LSAMP: variants seen among roughly 807,000 people sequenced by gnomAD.
LSAMP encodes limbic system-associated membrane protein.
A neutral mutation model predicts 38.6 loss-of-function variants in LSAMP; 7 were observed. The ratio of observed to expected loss-of-function variants is 0.18; its 90% confidence interval spans 0.10 to 0.34. LSAMP has a LOEUF of 0.34. Ranked by LOEUF, LSAMP falls within the 10% of genes least tolerant of loss-of-function variation. LSAMP has a pLI of 1.00. For synonymous variants in LSAMP, 154 were observed against 166.8 expected, an observed-to-expected ratio of 0.92 and a Z score of 0.59; for missense variants, 313 against 420.0, an observed-to-expected ratio of 0.75 and a Z score of 2.23.
intron 1 of LSAMP, among the ~76,000 whole-genome samples, chr3:116,280,089 C>G (rs1028806124): frequency 2.0e-4 from 30 of 152,188 alleles, no homozygotes; most frequent in African/African-American, 6.8e-4. Flanking sequence ...ACTTTTCACT[C>G]TGGTGTAACG....
intron 1 of LSAMP, among the ~76,000 whole-genome samples, chr3:116,311,895 T>A (rs937443188): frequency 6.6e-6 from 1 of 152,128 alleles, no homozygotes; most frequent in Non-Finnish European, 1.5e-5. Flanking sequence ...AGAAACTACA[T>A]CTGTTAAGTA....
At chr3:116,133,241 C>T (rs1559755053) in intron 1 of LSAMP, among the ~76,000 whole-genome samples, 2 of 151,616 alleles carry the variant, frequency 1.3e-5, no homozygotes, top group Non-Finnish European at 2.9e-5. Flanking sequence ...TCCACATTTA[C>T]TTTTTTTTCC....
intron 1 of LSAMP, among the ~76,000 whole-genome samples, chr3:116,346,804 A>G (rs957206082): frequency 6.6e-6 from 1 of 152,140 alleles, no homozygotes; most frequent in African/African-American, 2.4e-5. Flanking sequence ...CCTATGTGTC[A>G]GTTTTGTTTC....
intron 1 of LSAMP, among the ~76,000 whole-genome samples, chr3:116,203,867 G>A (rs1355404107): frequency 6.6e-6 from 1 of 152,112 alleles, no homozygotes. Context: ...ACATACGTGT[G>A]CATGTGTCTT....
intron 1 of LSAMP, among the ~76,000 whole-genome samples, chr3:116,400,296 T>G (rs13075678): frequency 0.12 from 18,511 of 152,050 alleles, 1,441 homozygotes; most frequent in African/African-American, 0.22. Flanking sequence ...TCATGTGCCT[T>G]CCATGGCTGG....
intron 1 of LSAMP, among the ~76,000 whole-genome samples, chr3:116,147,900 C>T (rs1336938725): frequency 6.6e-6 from 1 of 151,898 alleles, no homozygotes; most frequent in African/African-American, 2.4e-5. Context: ...AAATGTGATA[C>T]CATTCTTTTC....
At chr3:116,237,759 C>T (rs943481405) in intron 1 of LSAMP, among the ~76,000 whole-genome samples, 3 of 152,166 alleles carry the variant, frequency 2.0e-5, no homozygotes, top group Non-Finnish European at 2.9e-5. Context: ...AAACACACGC[C>T]ATTCAACTCT....
chr3:116,102,177 G>C (rs1008798149), intron 1 of LSAMP, among the ~76,000 whole-genome samples: 8 of 152,156 alleles, frequency 5.3e-5, no homozygotes, highest in Non-Finnish European at 1.0e-4. Flanking sequence ...TCCTTTGTCT[G>C]GAAGGCAACT....
intron 3 of LSAMP, among the ~76,000 whole-genome samples, chr3:115,902,527 AAAG>A (rs1004545662): frequency 6.6e-6 from 1 of 152,172 alleles, no homozygotes; most frequent in Non-Finnish European, 1.5e-5. Flanking sequence ...CTGCACAGCA[AAAG>A]AAACTATCAA....
intron 3 of LSAMP, among the ~76,000 whole-genome samples, chr3:115,861,556 C>T (rs1472854932): frequency 6.6e-6 from 1 of 152,082 alleles, no homozygotes; most frequent in African/African-American, 2.4e-5. Context: ...TGTACACAGA[C>T]CCTCACCTGC....
intron 3 of LSAMP, among the ~76,000 whole-genome samples, chr3:115,859,710 G>A (rs966957886): frequency 6.6e-6 from 1 of 152,198 alleles, no homozygotes; most frequent in Admixed American, 6.5e-5. Flanking sequence ...AGAACATCCT[G>A]GGATTATTCT....
chr3:116,393,925 G>A (rs1353343805), intron 1 of LSAMP, among the ~76,000 whole-genome samples: 2 of 152,170 alleles, frequency 1.3e-5, no homozygotes, highest in Middle Eastern at 3.2e-3. Flanking sequence ...ACAAGGAAGC[G>A]AGGATTTTGC....
intron 1 of LSAMP, among the ~76,000 whole-genome samples, chr3:116,235,926 C>T (rs1444712726): frequency 6.6e-6 from 1 of 152,176 alleles, no homozygotes; most frequent in African/African-American, 2.4e-5. Context: ...CACTTCTAAA[C>T]ACTAGTCTTT....
At chr3:115,923,337 A>T (rs865909727) in intron 3 of LSAMP, among the ~76,000 whole-genome samples, 13 of 152,190 alleles carry the variant, frequency 8.5e-5, no homozygotes, top group African/African-American at 2.9e-4. Context: ...CTTGTGGCAA[A>T]GGCTGATGCA....
chr3:116,219,875 CA>C (rs1469879039), intron 1 of LSAMP, among the ~76,000 whole-genome samples: 1 of 151,946 alleles, frequency 6.6e-6, no homozygotes, highest in Non-Finnish European at 1.5e-5. Flanking sequence ...CAGAGAAATG[CA>C]AATCAAAATC....
At chr3:116,130,886 C>T (rs1709112140) in intron 1 of LSAMP, among the ~76,000 whole-genome samples, 1 of 151,762 alleles carries the variant, frequency 6.6e-6, no homozygotes, top group African/African-American at 2.4e-5. Flanking sequence ...CGAATTCTTC[C>T]ACTTCTCTCA....
chr3:116,110,808 C>T (rs1280571956), intron 1 of LSAMP, among the ~76,000 whole-genome samples: 2 of 152,126 alleles, frequency 1.3e-5, no homozygotes, highest in East Asian at 1.9e-4. Flanking sequence ...ATTTCATGCG[C>T]GTCCGTGTGA....
rs1933680482 is a variant in LSAMP at position 115,808,130 on chromosome 3, C to T, written c.*2187G>A. 2.5e-5 allele frequency: 2 copies of T among 80,444 alleles called. No individual in the cohort carries two copies. Among genetic ancestry groups the T allele is most frequent in the African/African-American group, 5.3e-5 (1 of 18,824 alleles). The allele number at this position is 80,444 out of a possible 1,614,324, so 5.0% of individuals were successfully genotyped here. On this transcript the variant is annotated 3_prime_UTR_variant, in exon 7 of 7. Coordinates refer to ENST00000490035, the MANE Select transcript of LSAMP (RefSeq NM_002338.5). Reference sequence around the variant, plus strand: ...CCTTCCTCCCTCCCTCCCTCCCTCCCTCCCTCCCTCCCTCCCTCCCCCCCT... The same window carrying T: ...CCTTCCTCCCTCCCTCCCTCCCTCCTTCCCTCCCTCCCTCCCTCCCCCCCT...
intron 1 of LSAMP, among the ~76,000 whole-genome samples, chr3:116,343,808 C>A (rs1397859863): frequency 6.6e-6 from 1 of 151,994 alleles, no homozygotes; most frequent in South Asian, 2.1e-4. Context: ...ACACAGAAAC[C>A]TGAACAGTCT....
Sources: gnomAD v4.1 joint callset for allele counts (sites outside exome capture counted in the v4.1 genomes callset) on GRCh38, gnomAD v4.1.1 for gene constraint, MANE v1.5 for transcripts, NCBI Gene and HGNC (gene_info 2026-07-23, HGNC 2026-07-21) for gene names.